RUFY3: variants seen among roughly 807,000 people sequenced by gnomAD.
The protein encoded by RUFY3 is protein RUFY3.
A neutral mutation model predicts 84.0 loss-of-function variants in RUFY3; 34 were observed. The ratio of observed to expected loss-of-function variants is 0.40; its 90% CI spans 0.31 to 0.54. RUFY3 has a LOEUF of 0.54. Ranked by LOEUF, RUFY3 falls within the 20% of genes least tolerant of loss-of-function variation. The probability of loss-of-function intolerance (pLI) is 0.39; values close to 1 mark genes in which losing one functional copy is unlikely to be tolerated. For synonymous variants in RUFY3, 242 were observed against 252.9 expected, an observed-to-expected ratio of 0.96 and a Z score of 0.41; for missense variants, 507 against 736.8, an observed-to-expected ratio of 0.69 and a Z score of 3.61.
At chr4:70,741,031 C>A (rs1221803595) in intron 1 of RUFY3, among the ~76,000 whole-genome samples, 1 of 151,974 alleles carries the variant, frequency 6.6e-6, no homozygotes, top group Non-Finnish European at 1.5e-5. Context: ...CCTGCTAGTT[C>A]TGTATGGTGA....
intron 12 of RUFY3, among the ~76,000 whole-genome samples, chr4:70,790,378 C>T (rs1394824859): frequency 6.6e-6 from 1 of 152,208 alleles, no homozygotes; most frequent in African/African-American, 2.4e-5. Flanking sequence ...ACCTGTTTGT[C>T]ACCCTTCTTG....
chr4:70,757,465 G>A (rs572790331), intron 1 of RUFY3, among the ~76,000 whole-genome samples: 88 of 152,146 alleles, frequency 5.8e-4, no homozygotes, highest in African/African-American at 1.9e-3. Flanking sequence ...CTAGCCGCAC[G>A]TGGTGGCACA....
At chr4:70,793,282 T>C (rs1316485172) in intron 12 of RUFY3, 19 of 994,562 alleles carry the variant, frequency 1.9e-5, no homozygotes, top group Non-Finnish European at 2.3e-5. Context: ...TAATGTCCCA[T>C]GATTTAATAT....
At chr4:70,711,745 G>C (rs1741021280) in intron 1 of RUFY3, among the ~76,000 whole-genome samples, 1 of 152,166 alleles carries the variant, frequency 6.6e-6, no homozygotes. Context: ...TCCACACACA[G>C]CTGACATGAC....
At chr4:70,729,698 C>T (rs76612931) in intron 1 of RUFY3, among the ~76,000 whole-genome samples, 1 of 152,142 alleles carries the variant, frequency 6.6e-6, no homozygotes, top group Non-Finnish European at 1.5e-5. Context: ...GCTGAAGCCA[C>T]AGCAGTTTAA....
rs775263546 is a variant in RUFY3, at chr4:70,788,986, T to C, written c.1239+13T>C. 16 of 1,613,232 alleles carry C rather than the reference T, an allele frequency of 9.9e-6. No individual in the cohort carries two copies. Among genetic ancestry groups the C allele is most frequent in the African/African-American group, 2.7e-5 (2 of 74,924 alleles). On this transcript the variant is annotated intron_variant, in intron 11 of 17. Transcript: ENST00000381006. Reference sequence around the variant, plus strand: ...CTTTAAGCTGCAGGTAGGGGAAATATGAGGAATAGACTCACTGGCTCTCTA... The same window carrying C: ...CTTTAAGCTGCAGGTAGGGGAAATACGAGGAATAGACTCACTGGCTCTCTA...
intron 8 of RUFY3, among the ~76,000 whole-genome samples, chr4:70,779,998 T>C (rs74378678): frequency 0.014 from 2,150 of 152,300 alleles, 25 homozygotes; most frequent in Middle Eastern, 0.051. Context: ...AGAATGAACA[T>C]TTTCATTATT....
chr4:70,708,776 G>A (rs559924561), intron 1 of RUFY3, among the ~76,000 whole-genome samples: 1 of 152,242 alleles, frequency 6.6e-6, no homozygotes, highest in South Asian at 2.1e-4. Flanking sequence ...CTGGAACGGT[G>A]GCTCAAGCCT....
intron 4 of RUFY3, among the ~76,000 whole-genome samples, chr4:70,765,136 C>A (rs992209992): frequency 6.8e-6 from 1 of 147,226 alleles, no homozygotes; most frequent in Non-Finnish European, 1.5e-5. Context: ...TGCAGTGATC[C>A]GAGAGCGTGC....
At chr4:70,759,247 C>T (rs752664271) in intron 1 of RUFY3, among the ~76,000 whole-genome samples, 38 of 152,116 alleles carry the variant, frequency 2.5e-4, no homozygotes, top group Non-Finnish European at 5.3e-4. Context: ...TGAGTGAGAA[C>T]ATGTGGTATT....
At chr4:70,739,770 A>G (rs1057072476) in intron 1 of RUFY3, among the ~76,000 whole-genome samples, 5 of 151,792 alleles carry the variant, frequency 3.3e-5, no homozygotes, top group Non-Finnish European at 5.9e-5. Flanking sequence ...AGAAAAAAGA[A>G]GTACAAGAGG....
chr4:70,794,565 A>G (rs1731272151), intron 13 of RUFY3: 3 of 486,968 alleles, frequency 6.2e-6, no homozygotes, highest in Non-Finnish European at 1.1e-5. Context: ...TGGCAACAGA[A>G]CAAGACTCCA....
At chr4:70,718,873 G>A (rs1397378780), upstream of RUFY3, among the ~76,000 whole-genome samples, 1 of 150,816 alleles carries the variant, frequency 6.6e-6, no homozygotes, top group Non-Finnish European at 1.5e-5. Context: ...GTGCCACCAC[G>A]CCCAGCTAAT....
intron 12 of RUFY3, chr4:70,793,085 T>C: frequency 2.0e-6 from 2 of 985,436 alleles, no homozygotes; most frequent in Non-Finnish European, 2.4e-6. Context: ...TTATAAGATA[T>C]GTAGAAGAAA....
At chr4:70,775,114 C>T (rs141970857) in intron 6 of RUFY3, 54 bp from the exon 7 acceptor site, 2 of 1,370,104 alleles carry the variant, frequency 1.5e-6, no homozygotes, top group African/African-American at 1.5e-5. Flanking sequence ...GGGTTGGGAT[C>T]TTGGTATTTC....
intron 10 of RUFY3, among the ~76,000 whole-genome samples, chr4:70,786,710 G>T (rs879261571): frequency 1.3e-5 from 2 of 151,452 alleles, no homozygotes; most frequent in Admixed American, 6.6e-5. Context: ...TTATAATAAG[G>T]GATACTATTC....
At chr4:70,734,495 A>T (rs923543579) in intron 1 of RUFY3, 120 of 985,274 alleles carry the variant, frequency 1.2e-4, no homozygotes, top group Non-Finnish European at 1.4e-4. Flanking sequence ...GTAGCTTTTA[A>T]TACAGTCTCA....
rs139005767 is a variant in RUFY3 at position 70,808,513 on chromosome 4, T to TAAC, written c.*1859_*1861dup. Among the ~76,000 whole-genome samples, 5,139 of 152,302 alleles carry TAAC rather than the reference T, an allele frequency of 0.034. 101 individuals carry two copies. Among genetic ancestry groups the TAAC allele is most frequent in the Middle Eastern group, 0.058 (17 of 294 alleles). ...ATAAATTCTGTCTCTTGGAAAGAGT[T>TAAC]AACAACAGCCTGGGAAAGAGTTGTT... On this transcript the variant is annotated 3_prime_UTR_variant, in exon 18 of 18. Coordinates refer to ENST00000381006, the MANE Select transcript of RUFY3 (RefSeq NM_001037442.4).
In RUFY3 at chr4:70,794,823, G is replaced by A; in HGVS notation, c.1486G>A (p.Glu496Lys). The A allele has an allele frequency of 6.2e-7, 1 of 1,608,416 alleles. No homozygotes were observed. The highest frequency in any genetic ancestry group is 8.5e-7 in the Non-Finnish European group (1 of 1,177,480). The change falls in exon 14 of 18, where the codon GAA becomes AAA. Residue 496 changes from glutamate (E) to lysine (K), a missense_variant. Transcript: ENST00000381006. ...RNQLELELKQ[E>K]KERRLQNDRS... The stretch of plus-strand genomic sequence containing the variant: ...CCAGCTTGAGTTAGAACTAAAACAG[G>A]AAAAAGAAAGAAGATTACAAAACGA...
Sources: allele counts gnomAD v4.1 joint callset (sites outside exome capture counted in the v4.1 genomes callset), GRCh38; gene constraint gnomAD v4.1.1; transcripts MANE v1.5; gene names NCBI Gene and HGNC (gene_info 2026-07-23, HGNC 2026-07-21).